The following MCTP1 variants were observed in gnomAD, a reference collection of about 807,000 sequenced individuals.
MCTP1 encodes multiple C2 and transmembrane domain containing 1.
A neutral mutation model predicts 120.6 loss-of-function variants in MCTP1; 69 were observed. That is an observed-to-expected ratio of 0.57 (90% CI 0.47 to 0.70). The LOEUF (loss-of-function observed/expected upper bound fraction) is 0.70. Among genes scored for constraint, MCTP1 ranks in the 30% least tolerant of loss-of-function variants. The pLI, the probability that MCTP1 is intolerant of heterozygous loss-of-function variation, is 0.00. For missense variants in MCTP1, 1,203 were observed against 1,248.8 expected (o/e 0.96, Z 0.55); for synonymous variants, 529 against 493.1 (o/e 1.07, Z -0.96).
At chr5:94,851,427 A>G (rs1793671753) in intron 17 of MCTP1, among the ~76,000 whole-genome samples, 1 of 152,066 alleles carries the variant, frequency 6.6e-6, no homozygotes, top group Non-Finnish European at 1.5e-5. Context: ...TAGAGATGCT[A>G]AATCACACTG....
chr5:95,033,467 G>A (rs1450439630), intron 1 of MCTP1, among the ~76,000 whole-genome samples: 1 of 151,846 alleles, frequency 6.6e-6, no homozygotes, highest in Non-Finnish European at 1.5e-5. Context: ...AACAGAATAA[G>A]AACAAAAACC....
chr5:94,739,710 C>G (rs1561552926), intron 19 of MCTP1, among the ~76,000 whole-genome samples: 3 of 152,146 alleles, frequency 2.0e-5, no homozygotes. Flanking sequence ...TGTCGCCCAG[C>G]CTGGAGTGCA....
intron 1 of MCTP1, among the ~76,000 whole-genome samples, chr5:95,191,725 C>T (rs1056046790): frequency 2.0e-5 from 3 of 151,956 alleles, no homozygotes; most frequent in Non-Finnish European, 4.4e-5. Flanking sequence ...TGCATTTCAA[C>T]TAAGAATATA....
chr5:95,268,342 C>G (rs1187232105), intron 1 of MCTP1, among the ~76,000 whole-genome samples: 1 of 152,158 alleles, frequency 6.6e-6, no homozygotes, highest in African/African-American at 2.4e-5. Context: ...GATCTTCCAG[C>G]TACACATACA....
intron 6 of MCTP1, among the ~76,000 whole-genome samples, chr5:94,925,557 C>T (rs552824841): frequency 9.9e-4 from 151 of 151,994 alleles, no homozygotes; most frequent in Non-Finnish European, 1.6e-3. Context: ...TACAGGTGCG[C>T]GCCACCACAC....
intron 17 of MCTP1, 77 bp from the exon 18 acceptor site, chr5:94,799,209 T>C (rs1334839551): frequency 2.0e-5 from 27 of 1,357,158 alleles, no homozygotes; most frequent in Non-Finnish European, 2.7e-5. Context: ...TATACTCTAC[T>C]TCAAAAACAC....
chr5:95,205,612 T>A (rs1751539255), intron 1 of MCTP1, among the ~76,000 whole-genome samples: 1 of 152,100 alleles, frequency 6.6e-6, no homozygotes, highest in Non-Finnish European at 1.5e-5. Context: ...GTATCTAGAA[T>A]ATATAAAGAA....
intron 1 of MCTP1, among the ~76,000 whole-genome samples, chr5:95,137,224 G>A (rs982605364): frequency 6.6e-6 from 1 of 152,186 alleles, no homozygotes; most frequent in Non-Finnish European, 1.5e-5. Context: ...TGCTTCGGGG[G>A]AAGTATAACC....
intron 6 of MCTP1, among the ~76,000 whole-genome samples, chr5:94,926,223 T>A (rs1409159542): frequency 6.6e-6 from 1 of 152,190 alleles, no homozygotes; most frequent in Non-Finnish European, 1.5e-5. Context: ...ACATAACACA[T>A]ACTATTACAA....
At chr5:94,710,243 A>AACGATTTT (rs1482992731) in intron 21 of MCTP1, 4 of 152,286 alleles carry the variant, frequency 2.6e-5, no homozygotes, top group African/African-American at 9.6e-5. Context: ...GGCATGCAGC[A>AACGATTTT]TAGTTGCATT....
intron 1 of MCTP1, among the ~76,000 whole-genome samples, chr5:95,052,932 G>T (rs935872797): frequency 6.6e-6 from 1 of 152,174 alleles, no homozygotes; most frequent in South Asian, 2.1e-4. Flanking sequence ...ACATTTAAAT[G>T]AAAAGAAATT....
intron 17 of MCTP1, among the ~76,000 whole-genome samples, chr5:94,846,234 A>T (rs1792320778): frequency 6.6e-6 from 1 of 152,220 alleles, no homozygotes; most frequent in South Asian, 2.1e-4. Context: ...TACAATAGCA[A>T]AGACATGGAA....
intron 17 of MCTP1, among the ~76,000 whole-genome samples, chr5:94,836,021 A>C (rs1789663405): frequency 6.6e-6 from 1 of 151,758 alleles, no homozygotes; most frequent in South Asian, 2.1e-4. Context: ...ACAAACAAAC[A>C]AACAAAAAAT....
chr5:95,201,691 G>T (rs1165172642), intron 1 of MCTP1, among the ~76,000 whole-genome samples: 7 of 151,490 alleles, frequency 4.6e-5, no homozygotes, highest in Non-Finnish European at 8.8e-5. Context: ...TTTTAGGAGA[G>T]ACAGGGTTTC....
intron 1 of MCTP1, among the ~76,000 whole-genome samples, chr5:95,255,019 G>C (rs1239804720): frequency 6.6e-6 from 1 of 152,062 alleles, no homozygotes; most frequent in Non-Finnish European, 1.5e-5. Context: ...AAAACTTTCA[G>C]GGTTTTCTTG....
intron 1 of MCTP1, among the ~76,000 whole-genome samples, chr5:95,026,286 G>C (rs1361445165): frequency 5.3e-5 from 8 of 151,892 alleles, no homozygotes; most frequent in Admixed American, 5.2e-4. Flanking sequence ...TTTACCCTTT[G>C]CGTTACATAC....
chr5:95,068,616 T>C (rs1751294174), intron 1 of MCTP1, among the ~76,000 whole-genome samples: 1 of 152,210 alleles, frequency 6.6e-6, no homozygotes, highest in Admixed American at 6.5e-5. Context: ...TTGGCCGGGA[T>C]CTGTTTTCTA....
intron 1 of MCTP1, among the ~76,000 whole-genome samples, chr5:95,199,196 A>C (rs1449727447): frequency 1.3e-5 from 2 of 152,182 alleles, no homozygotes; most frequent in African/African-American, 4.8e-5. Flanking sequence ...TAAACACCTT[A>C]TTTTAGTATT....
intron 1 of MCTP1, among the ~76,000 whole-genome samples, chr5:95,073,969 G>A (rs925236836): frequency 3.3e-5 from 5 of 151,990 alleles, no homozygotes; most frequent in African/African-American, 1.2e-4. Context: ...AAAAAAATTT[G>A]GCCGGGCGTG....
Sources: allele counts gnomAD v4.1 joint callset (sites outside exome capture counted in the v4.1 genomes callset), GRCh38; gene constraint gnomAD v4.1.1; transcripts MANE v1.5; gene names NCBI Gene and HGNC (gene_info 2026-07-23, HGNC 2026-07-21).